Variants in DLG2 observed in about 807,000 individuals in gnomAD.
DLG2 encodes disks large homolog 2.
In DLG2, 45 loss-of-function variants were observed where a neutral mutation model predicts 132.5. The observed-to-expected ratio is 0.34, with a 90% CI of 0.27 to 0.44. The LOEUF is 0.44. Ranked by LOEUF, DLG2 falls within the 20% of genes least tolerant of loss-of-function variation. The pLI, the probability that DLG2 is intolerant of heterozygous loss-of-function variation, is 1.00. For synonymous variants in DLG2, 424 were observed against 419.6 expected (o/e 1.01, Z -0.13); for missense variants, 1,045 against 1,196.9 (o/e 0.87, Z 1.87).
chr11:84,634,386 T>C (rs1331548755), intron 6 of DLG2, among the ~76,000 whole-genome samples: 1 of 152,206 alleles, frequency 6.6e-6, no homozygotes, highest in Non-Finnish European at 1.5e-5. Context: ...ATGCTAAAGA[T>C]TTCTTCATTT....
intron 6 of DLG2, among the ~76,000 whole-genome samples, chr11:85,003,473 C>T (rs2058383720): frequency 6.6e-6 from 1 of 152,042 alleles, no homozygotes; most frequent in Admixed American, 6.6e-5. Context: ...TTGTAAATCT[C>T]TTTTGGTTTA....
At chr11:83,816,088 C>T (rs968988557) in intron 17 of DLG2, among the ~76,000 whole-genome samples, 1 of 152,108 alleles carries the variant, frequency 6.6e-6, no homozygotes, top group African/African-American at 2.4e-5. Context: ...TGTCCAGGAA[C>T]CTTAATCCTA....
chr11:85,260,837 A>G (rs2076901270), intron 4 of DLG2, among the ~76,000 whole-genome samples: 1 of 152,202 alleles, frequency 6.6e-6, no homozygotes, highest in African/African-American at 2.4e-5. Context: ...ACTGATCTGC[A>G]TGTGGGAAAG....
intron 11 of DLG2, among the ~76,000 whole-genome samples, chr11:84,028,316 C>G (rs1354490454): frequency 6.6e-6 from 1 of 152,024 alleles, no homozygotes; most frequent in Non-Finnish European, 1.5e-5. Flanking sequence ...TAATAATCCT[C>G]TCAAAGTTAT....
intron 21 of DLG2, among the ~76,000 whole-genome samples, chr11:83,514,467 A>G (rs1449866696): frequency 6.6e-6 from 1 of 152,198 alleles, no homozygotes; most frequent in East Asian, 1.9e-4. Context: ...CAATCATGTC[A>G]TCTGCAAACA....
chr11:84,640,824 C>G (rs1379462409), intron 6 of DLG2, among the ~76,000 whole-genome samples: 1 of 151,918 alleles, frequency 6.6e-6, no homozygotes, highest in Non-Finnish European at 1.5e-5. Flanking sequence ...CATGTAATTC[C>G]AGCTACTCAG....
At chr11:83,661,950 G>T (rs1163368342) in intron 18 of DLG2, among the ~76,000 whole-genome samples, 1 of 152,170 alleles carries the variant, frequency 6.6e-6, no homozygotes, top group Non-Finnish European at 1.5e-5. Flanking sequence ...TGCCTACTGT[G>T]AAGAGGCAAT....
At chr11:84,492,189 G>A (rs911679101) in intron 7 of DLG2, among the ~76,000 whole-genome samples, 1 of 152,004 alleles carries the variant, frequency 6.6e-6, no homozygotes, top group Non-Finnish European at 1.5e-5. Context: ...TGAATAAAAG[G>A]GTTTTTAAAA....
intron 6 of DLG2, among the ~76,000 whole-genome samples, chr11:84,682,013 T>C (rs1383442056): frequency 6.6e-6 from 1 of 152,006 alleles, no homozygotes; most frequent in Non-Finnish European, 1.5e-5. Flanking sequence ...GGAAGCAAGA[T>C]AGAAGGGAGG....
intron 7 of DLG2, among the ~76,000 whole-genome samples, chr11:84,362,268 C>A (rs1023291049): frequency 1.3e-5 from 2 of 151,918 alleles, no homozygotes; most frequent in Non-Finnish European, 2.9e-5. Flanking sequence ...AAAGTTACTC[C>A]TTGAAAGAGT....
intron 4 of DLG2, among the ~76,000 whole-genome samples, chr11:85,263,210 T>C (rs542133654): frequency 2.6e-5 from 4 of 152,302 alleles, no homozygotes; most frequent in East Asian, 1.9e-4. Flanking sequence ...CAGGTATGAA[T>C]TATGCAGGGT....
chr11:85,624,966 A>C (rs770601740), intron 2 of DLG2: 1 of 152,210 alleles, frequency 6.6e-6, no homozygotes, highest in Non-Finnish European at 1.5e-5. Flanking sequence ...TTTCTGTAAC[A>C]GTTCTTTAAA....
At chr11:84,613,224 T>C (rs954377314) in intron 6 of DLG2, among the ~76,000 whole-genome samples, 1 of 152,070 alleles carries the variant, frequency 6.6e-6, no homozygotes, top group African/African-American at 2.4e-5. Context: ...AGGAAGGAAA[T>C]ATCGGTATTT....
intron 6 of DLG2, among the ~76,000 whole-genome samples, chr11:84,773,761 C>A (rs1335702399): frequency 6.6e-6 from 1 of 152,086 alleles, no homozygotes; most frequent in Non-Finnish European, 1.5e-5. Flanking sequence ...TGACCCTCAA[C>A]AAACTAGTTA....
intron 6 of DLG2, among the ~76,000 whole-genome samples, chr11:84,709,615 C>T (rs1418829960): frequency 2.0e-5 from 3 of 151,916 alleles, no homozygotes; most frequent in African/African-American, 7.2e-5. Context: ...ACTCTACCCT[C>T]AGGACTTGCT....
intron 7 of DLG2, among the ~76,000 whole-genome samples, chr11:84,360,525 T>G (rs772354901): frequency 2.0e-5 from 3 of 151,886 alleles, no homozygotes; most frequent in African/African-American, 4.8e-5. Context: ...AGGAAATAAA[T>G]AAGGTGAGCT....
chr11:83,697,886 G>A (rs1325750325), intron 18 of DLG2, among the ~76,000 whole-genome samples: 1 of 152,138 alleles, frequency 6.6e-6, no homozygotes, highest in Non-Finnish European at 1.5e-5. Context: ...AAAATCTTTG[G>A]CCAGTAAGAA....
chr11:83,921,812 T>C (rs957672183), intron 15 of DLG2, among the ~76,000 whole-genome samples: 2 of 152,106 alleles, frequency 1.3e-5, no homozygotes, highest in Admixed American at 6.6e-5. Flanking sequence ...ACAGAAAATA[T>C]TCACATCATC....
At chr11:83,681,984 A>T (rs936974744) in intron 18 of DLG2, 3 of 243,316 alleles carry the variant, frequency 1.2e-5, no homozygotes, top group Non-Finnish European at 1.3e-5. Context: ...TAATTGATTC[A>T]TCGGCTTTTC....
Sources: gnomAD v4.1 joint callset for allele counts (sites outside exome capture counted in the v4.1 genomes callset) on GRCh38, gnomAD v4.1.1 for gene constraint, MANE v1.5 for transcripts, NCBI Gene and HGNC (gene_info 2026-07-23, HGNC 2026-07-21) for gene names.